Variants in DMD observed in about 807,000 individuals in gnomAD.
DMD encodes dystrophin, also known as mutant dystrophin.
A neutral mutation model predicts 330.1 loss-of-function variants in DMD; 63 were observed. The observed-to-expected ratio is 0.19, with a 90% CI of 0.16 to 0.24. The LOEUF (loss-of-function observed/expected upper bound fraction) is 0.24. Among genes scored for constraint, DMD ranks in the 10% least tolerant of loss-of-function variants. The pLI, the probability that DMD is intolerant of heterozygous loss-of-function variation, is 1.00. For synonymous variants in DMD, 1,223 were observed against 959.8 expected, an observed-to-expected ratio of 1.27 and a Z score of -5.07; for missense variants, 3,344 against 2,684.1, an observed-to-expected ratio of 1.25 and a Z score of -5.43.
intron 52 of DMD, among the ~76,000 whole-genome samples, chrX:31,690,890 T>C (rs1167243956): frequency 1.8e-5 from 2 of 110,760 alleles, no homozygotes; most frequent in African/African-American, 6.6e-5. Flanking sequence ...ACACCGCATG[T>C]TCTCACTCAT....
chrX:32,639,310 G>A (rs1440815974), intron 11 of DMD, among the ~76,000 whole-genome samples: 1 of 111,038 alleles, frequency 9.0e-6, no homozygotes, highest in Non-Finnish European at 1.9e-5. Context: ...CACTTCCACA[G>A]TTGGAAGTTG....
intron 55 of DMD, among the ~76,000 whole-genome samples, chrX:31,513,172 T>A (rs1242559227): frequency 1.1e-4 from 10 of 93,459 alleles, no homozygotes; most frequent in Middle Eastern, 5.0e-3. Context: ...TTGTGATTTT[T>A]GTACATTGAT....
chrX:32,120,519 G>C (rs2096630348), intron 44 of DMD, among the ~76,000 whole-genome samples: 1 of 112,243 alleles, frequency 8.9e-6, no homozygotes, highest in Non-Finnish European at 1.9e-5. Context: ...TGAAGGGCAG[G>C]CAGTCTACAG....
intron 30 of DMD, among the ~76,000 whole-genome samples, chrX:32,401,257 A>G (rs961688453): frequency 2.7e-4 from 30 of 109,292 alleles, no homozygotes; most frequent in African/African-American, 1.0e-3. Context: ...GGTGCAGCGC[A>G]CCAGCATGGC....
At chrX:32,731,437 G>A (rs970696980) in intron 7 of DMD, among the ~76,000 whole-genome samples, 1 of 112,870 alleles carries the variant, frequency 8.9e-6, no homozygotes, top group Non-Finnish European at 1.9e-5. Context: ...GCCTGCCTCT[G>A]TAGGCTCCAC....
At chrX:31,631,349 G>A (rs764078490) in intron 54 of DMD, among the ~76,000 whole-genome samples, 18 of 111,113 alleles carry the variant, frequency 1.6e-4, no homozygotes, top group Admixed American at 1.3e-3. Context: ...TGTTATTCCT[G>A]TCTGAGAGCT....
intron 49 of DMD, among the ~76,000 whole-genome samples, chrX:31,835,487 T>G (rs777167141): frequency 3.6e-5 from 4 of 111,988 alleles, no homozygotes; most frequent in Non-Finnish European, 5.6e-5. Flanking sequence ...TGTTAGCTTA[T>G]GAAAAATGAT....
intron 13 of DMD, among the ~76,000 whole-genome samples, chrX:32,587,578 A>G (rs989313778): frequency 2.7e-5 from 3 of 111,488 alleles, no homozygotes; most frequent in African/African-American, 9.8e-5. Flanking sequence ...TTATGCTTCT[A>G]CTAGATAAGA....
At chrX:31,708,564 CT>C (rs1170433553) in intron 52 of DMD, among the ~76,000 whole-genome samples, 5 of 111,603 alleles carry the variant, frequency 4.5e-5, no homozygotes, top group Non-Finnish European at 7.5e-5. Context: ...CCATATCCTA[CT>C]TTTTTTCCTG....
chrX:32,342,487 T>C (rs769993930), intron 40 of DMD: 2 of 418,018 alleles, frequency 4.8e-6, no homozygotes, highest in South Asian at 4.2e-5. Flanking sequence ...TGCTTGGTTT[T>C]AGATATTCTA....
intron 44 of DMD, among the ~76,000 whole-genome samples, chrX:32,015,783 C>A (rs1184551409): frequency 8.9e-6 from 1 of 111,821 alleles, no homozygotes; most frequent in African/African-American, 3.2e-5. Flanking sequence ...TGCCCAGCAC[C>A]CAGAAACCAT....
chrX:32,363,171 T>C (rs909949342), intron 36 of DMD, among the ~76,000 whole-genome samples: 7 of 111,585 alleles, frequency 6.3e-5, no homozygotes, highest in Non-Finnish European at 1.3e-4. Context: ...TGAAAATGCG[T>C]GTGATTTCAG....
intron 67 of DMD, among the ~76,000 whole-genome samples, chrX:31,202,688 C>T (rs144930565): frequency 0.011 from 1,227 of 111,845 alleles, 16 homozygotes; most frequent in African/African-American, 0.037. Flanking sequence ...TTTTGTAAAT[C>T]TCAGCCATTG....
At chrX:33,058,105 C>A (rs1048069336) in intron 1 of DMD, among the ~76,000 whole-genome samples, 106 of 111,525 alleles carry the variant, frequency 9.5e-4, no homozygotes, top group Non-Finnish European at 4.1e-4. Context: ...GTCTCTGACT[C>A]CTGATCTCAA....
intron 47 of DMD, among the ~76,000 whole-genome samples, chrX:31,898,065 T>A (rs1357141951): frequency 9.1e-6 from 1 of 110,354 alleles, no homozygotes; most frequent in Non-Finnish European, 1.9e-5. Context: ...TTACAAGGGA[T>A]GTGAAGGACC....
At chrX:32,919,065 G>C (rs369699224) in intron 2 of DMD, among the ~76,000 whole-genome samples, 15 of 112,146 alleles carry the variant, frequency 1.3e-4, no homozygotes, top group African/African-American at 4.9e-4. Flanking sequence ...GACAGTCAAA[G>C]AGTGGAGGAA....
chrX:32,636,854 C>G (rs1019560485), intron 11 of DMD, among the ~76,000 whole-genome samples: 1 of 109,325 alleles, frequency 9.1e-6, no homozygotes, highest in Admixed American at 9.8e-5. Flanking sequence ...AAAAGTTAGC[C>G]GAGCGTGGTG....
chrX:31,239,850 G>C (rs2048077338), intron 63 of DMD, among the ~76,000 whole-genome samples: 1 of 111,730 alleles, frequency 9.0e-6, no homozygotes, highest in East Asian at 2.8e-4. Flanking sequence ...AGGAAGTAAG[G>C]ATGTGAACAT....
intron 2 of DMD, among the ~76,000 whole-genome samples, chrX:33,015,205 A>G (rs34197158): frequency 0.1 from 11,134 of 111,224 alleles, 755 homozygotes; most frequent in African/African-American, 0.23. Flanking sequence ...ATTATAAGAC[A>G]CGCATACATA....
Sources: gnomAD v4.1 joint callset for allele counts (sites outside exome capture counted in the v4.1 genomes callset) on GRCh38, gnomAD v4.1.1 for gene constraint, MANE v1.5 for transcripts, NCBI Gene and HGNC (gene_info 2026-07-23, HGNC 2026-07-21) for gene names.